Variants in NBAS observed in about 807,000 individuals in gnomAD.
NBAS encodes NAG/BC035112 fusion.
NBAS carries 219 observed loss-of-function variants against 302.5 expected under a neutral mutation model. The ratio of observed to expected loss-of-function variants is 0.72; its 90% CI spans 0.65 to 0.81. NBAS has a LOEUF of 0.81. Ranked by LOEUF, NBAS falls within the 30% of genes least tolerant of loss-of-function variation. The pLI is 0.00. For synonymous variants in NBAS, 1,118 were observed against 1,021.6 expected, an observed-to-expected ratio of 1.09 and a Z score of -1.80; for missense variants, 2,932 against 2,841.6, an observed-to-expected ratio of 1.03 and a Z score of -0.72.
At chr2:15,363,016 A>G (rs1345265617) in intron 32 of NBAS, among the ~76,000 whole-genome samples, 1 of 152,168 alleles carries the variant, frequency 6.6e-6, no homozygotes, top group African/African-American at 2.4e-5. Flanking sequence ...TGAGCCCAGG[A>G]GTTCAAAACC....
Position 15,508,888 on chromosome 2 carries a change from A to T in NBAS, c.885+2324T>A, listed in dbSNP as rs111311204. On this transcript the variant is annotated intron_variant, in intron 10 of 51. Coordinates refer to ENST00000281513, the MANE Select transcript of NBAS (RefSeq NM_015909.4). ...CATGATGGGGGGTGCCTGTAATCCC[A>T]GGTAATCGGGAGGCTGAGATGGGAG... Among the ~76,000 whole-genome samples the T allele has an allele frequency of 9.6e-3, 1,460 of 152,198 alleles. 16 individuals are homozygous for T. Among genetic ancestry groups the T allele is most frequent in the African/African-American group, 0.03 (1,254 of 41,518 alleles).
intron 48 of NBAS, among the ~76,000 whole-genome samples, chr2:15,201,830 T>C (rs973876391): frequency 6.6e-6 from 1 of 152,216 alleles, no homozygotes; most frequent in Admixed American, 6.5e-5. Flanking sequence ...ACAGCTCATA[T>C]AAGGCAAAAT....
At chr2:14,978,743 T>C in the NBAS span, among the ~76,000 whole-genome samples, 5 of 152,096 alleles carry the variant, frequency 3.3e-5, no homozygotes, top group Non-Finnish European at 7.4e-5. Flanking sequence ...TAGATAAACT[T>C]CCTCCCATTC....
chr2:15,209,663 C>G (rs1468251651), intron 48 of NBAS, among the ~76,000 whole-genome samples: 1 of 152,044 alleles, frequency 6.6e-6, no homozygotes, highest in African/African-American at 2.4e-5. Context: ...CTAGAATAGC[C>G]AAAGCTCTGA....
At chr2:15,537,640 G>A (rs1026380581) in intron 7 of NBAS, among the ~76,000 whole-genome samples, 2 of 152,114 alleles carry the variant, frequency 1.3e-5, no homozygotes, top group Admixed American at 1.3e-4. Flanking sequence ...TTAGCCAGGT[G>A]TGGCTGCACT....
the NBAS span, among the ~76,000 whole-genome samples, chr2:14,839,884 C>A: frequency 5.3e-5 from 8 of 151,760 alleles, no homozygotes; most frequent in African/African-American, 1.9e-4. Context: ...GGTACATCCA[C>A]AAGAAAAGAC....
At chr2:14,885,259 A>G in the NBAS span, among the ~76,000 whole-genome samples, 1 of 152,282 alleles carries the variant, frequency 6.6e-6, no homozygotes, top group Non-Finnish European at 1.5e-5. Context: ...GAGAGTAGAG[A>G]TGGAGAGAAA....
chr2:14,827,851 G>A, the NBAS span, among the ~76,000 whole-genome samples: 3 of 152,292 alleles, frequency 2.0e-5, no homozygotes, highest in East Asian at 1.9e-4. Context: ...CCTATTAGAT[G>A]AGTAAGTTCC....
chr2:15,546,745 A>C (rs7579714), intron 6 of NBAS, among the ~76,000 whole-genome samples: 97,028 of 152,080 alleles, frequency 0.64, 31,685 homozygotes, highest in Non-Finnish European at 0.68. Flanking sequence ...AACAAAAAAA[A>C]CAAGTCTGGG....
the NBAS span, among the ~76,000 whole-genome samples, chr2:14,912,703 T>TTA: frequency 1.3e-5 from 1 of 78,554 alleles, no homozygotes; most frequent in Non-Finnish European, 2.9e-5. Context: ...CATTCATTTT[T>TTA]AAAAAAAAAA....
Position 15,309,174 on chromosome 2 carries a change from T to TTAA in NBAS, c.4655_4656insTTA (p.Pro1552_Gln1553insTer). 1 of 1,612,190 alleles carries TTAA rather than the reference T, an allele frequency of 6.2e-7. No individual in the cohort carries two copies. The highest frequency in any genetic ancestry group is 8.5e-7 in the Non-Finnish European group (1 of 1,178,656). ...TCATTGGTAAGGGCAAACTTACTTG[T>TTAA]GGTAAGGCAAGAAGGTAAGCAAGAG... On this transcript the variant is annotated stop_gained and inframe_insertion, in exon 39 of 52. Coordinates refer to ENST00000281513, the MANE Select transcript of NBAS (RefSeq NM_015909.4). LOFTEE classifies it high-confidence loss of function.
chr2:15,553,054 C>T (rs1175167120), intron 5 of NBAS, among the ~76,000 whole-genome samples: 12 of 152,128 alleles, frequency 7.9e-5, no homozygotes, highest in Admixed American at 7.2e-4. Context: ...CTGCCCGCCT[C>T]GGCCTCCCAA....
At chr2:15,236,791 T>C (rs1363585108) in intron 45 of NBAS, among the ~76,000 whole-genome samples, 3 of 152,070 alleles carry the variant, frequency 2.0e-5, no homozygotes, top group African/African-American at 7.2e-5. Flanking sequence ...TAAAGCCAAT[T>C]TGTTTCCTGC....
At chr2:14,877,179 C>T in the NBAS span, among the ~76,000 whole-genome samples, 1 of 152,204 alleles carries the variant, frequency 6.6e-6, no homozygotes, top group Non-Finnish European at 1.5e-5. Context: ...GTCTACTTCA[C>T]ATAGTGTGGC....
the NBAS span, among the ~76,000 whole-genome samples, chr2:15,011,455 G>T: frequency 1.3e-5 from 2 of 152,094 alleles, no homozygotes; most frequent in Admixed American, 1.3e-4. Context: ...GCAGTCCTGT[G>T]CCTGTGTTTC....
the NBAS span, among the ~76,000 whole-genome samples, chr2:14,844,938 C>G: frequency 6.6e-6 from 1 of 152,182 alleles, no homozygotes; most frequent in South Asian, 2.1e-4. Flanking sequence ...TCCCAGCCCC[C>G]AAATGGTAAC....
At chr2:15,019,123 T>G in the NBAS span, among the ~76,000 whole-genome samples, 1 of 152,222 alleles carries the variant, frequency 6.6e-6, no homozygotes, top group African/African-American at 2.4e-5. Flanking sequence ...TCAAGGGACA[T>G]GAGACAATTT....
the NBAS span, among the ~76,000 whole-genome samples, chr2:15,065,517 A>C: frequency 1.6e-4 from 25 of 152,250 alleles, no homozygotes; most frequent in South Asian, 1.0e-3. Context: ...CCACACACGA[A>C]ATATTGTTAG....
At chr2:14,968,284 C>A in the NBAS span, among the ~76,000 whole-genome samples, 2 of 152,130 alleles carry the variant, frequency 1.3e-5, no homozygotes, top group Non-Finnish European at 2.9e-5. Context: ...AGACAAAGAA[C>A]CCAATTTAAA....
Sources: allele counts gnomAD v4.1 joint callset (sites outside exome capture counted in the v4.1 genomes callset), GRCh38; gene constraint gnomAD v4.1.1; transcripts MANE v1.5; gene names NCBI Gene and HGNC (gene_info 2026-07-23, HGNC 2026-07-21).